The following PPP1R16B variants were observed in gnomAD, a reference collection of about 807,000 sequenced individuals.
The protein encoded by PPP1R16B is protein phosphatase 1 regulatory inhibitor subunit 16B.
In PPP1R16B, 14 loss-of-function variants were observed where a neutral mutation model predicts 61.7. The ratio of observed to expected loss-of-function variants is 0.23; its 90% CI spans 0.15 to 0.35. PPP1R16B has a LOEUF of 0.35. Ranked by LOEUF, PPP1R16B falls within the 10% of genes least tolerant of loss-of-function variation. The pLI is 1.00. For synonymous variants in PPP1R16B, 266 were observed against 305.3 expected, an observed-to-expected ratio of 0.87 and a Z score of 1.34; for missense variants, 547 against 752.5, an observed-to-expected ratio of 0.73 and a Z score of 3.19.
intron 2 of PPP1R16B, among the ~76,000 whole-genome samples, chr20:38,878,787 T>C (rs1204503106): frequency 6.6e-6 from 1 of 152,218 alleles, no homozygotes; most frequent in Non-Finnish European, 1.5e-5. Flanking sequence ...TTTATATGCA[T>C]GTATCTCCTA....
At chr20:38,873,203 G>A (rs910271498) in intron 2 of PPP1R16B, 1 of 152,288 alleles carries the variant, frequency 6.6e-6, no homozygotes, top group Non-Finnish European at 1.5e-5. Context: ...CACTGTGGGT[G>A]GAAATAGAAA....
chr20:38,910,919 C>T (rs1364544614), intron 10 of PPP1R16B, among the ~76,000 whole-genome samples: 8 of 151,754 alleles, frequency 5.3e-5, no homozygotes, highest in Admixed American at 1.3e-4. Flanking sequence ...CACTTGAACC[C>T]GGGAGGTGGA....
intron 1 of PPP1R16B, among the ~76,000 whole-genome samples, chr20:38,809,985 G>GGAA (rs2084688245): frequency 1.2e-5 from 1 of 80,150 alleles, no homozygotes; most frequent in Non-Finnish European, 2.3e-5. Context: ...ACCTTGTTTC[G>GGAA]AAAAAAAAAA....
intron 2 of PPP1R16B, among the ~76,000 whole-genome samples, chr20:38,876,540 T>TAA (rs11412139): frequency 7.6e-4 from 113 of 149,334 alleles, no homozygotes; most frequent in Non-Finnish European, 8.0e-4. Context: ...TTTCAACCAT[T>TAA]AAAAAAAAAA....
At chr20:38,847,075 T>C (rs2084940166) in intron 2 of PPP1R16B, among the ~76,000 whole-genome samples, 1 of 152,204 alleles carries the variant, frequency 6.6e-6, no homozygotes, top group Admixed American at 6.5e-5. Context: ...GGTAGATTCC[T>C]AGATGTTCAT....
At chr20:38,914,292 C>T (rs1036275854) in intron 10 of PPP1R16B, among the ~76,000 whole-genome samples, 10 of 152,014 alleles carry the variant, frequency 6.6e-5, no homozygotes, top group Non-Finnish European at 1.0e-4. Context: ...TTTGGGTTGT[C>T]CTAGGAAAAG....
In PPP1R16B at chr20:38,918,291, T is replaced by C. The variant is rs192588185; in HGVS notation, c.1329T>C (p.Asp443=). The change falls in exon 11 of 11, where the codon GAT becomes GAC. Residue 443 remains aspartate, a synonymous_variant. Coordinates refer to ENST00000299824, the MANE Select transcript of PPP1R16B (RefSeq NM_015568.4). The surrounding 1 kb of genome is among the most constrained non-coding windows in gnomAD (Gnocchi z 5.3). ...ACCAGTATGCGCTGGCCAACGGGGA[T>C]GTCTGGAAGGTGCATGAGGTGCCTG... ...SAYQYALANG[D]VWKVHEVPDY... is the part of the protein sequence containing the mutation. 8 of 1,614,214 alleles carry C rather than the reference T, an allele frequency of 5.0e-6. No individual in the cohort carries two copies. Among genetic ancestry groups the C allele is most frequent in the Non-Finnish European group, 6.8e-6 (8 of 1,180,044 alleles).
intron 2 of PPP1R16B, among the ~76,000 whole-genome samples, chr20:38,842,434 C>G (rs1480805046): frequency 6.6e-6 from 1 of 152,174 alleles, no homozygotes; most frequent in African/African-American, 2.4e-5. Flanking sequence ...GTTTTTCTCT[C>G]AGAATGTGTA....
rs78225905 is a variant in PPP1R16B at position 38,842,975 on chromosome 20, G to A, written c.250+6800G>A. On this transcript the variant is annotated intron_variant, in intron 2 of 10. Transcript: ENST00000299824. ...TTTTGGTATTGTTGTGTCAGGCAGC[G>A]TCCTGGGAGGAAACAAATGGTGATT... is the stretch of plus-strand genomic sequence containing the variant. 2.1e-3 allele frequency among the ~76,000 whole-genome samples: 320 copies of A among 152,316 alleles called. 10 individuals are homozygous for A. In the East Asian group the frequency reaches 0.055, roughly 26 times the overall value.
At chr20:38,909,059 TGGC>T (rs1469133685) in intron 10 of PPP1R16B, among the ~76,000 whole-genome samples, 1 of 152,172 alleles carries the variant, frequency 6.6e-6, no homozygotes, top group African/African-American at 2.4e-5. Context: ...TGGAGTGCAG[TGGC>T]ATGATTATAG....
rs1356459910 is a variant in PPP1R16B, at chr20:38,918,723, G to T, written c.*57G>T. On this transcript the variant is annotated 3_prime_UTR_variant, in exon 11 of 11. Coordinates refer to ENST00000299824, the MANE Select transcript of PPP1R16B (RefSeq NM_015568.4). This position sits in a 1 kb window ranked among gnomAD's most constrained non-coding sequence, Gnocchi z 5.3. ...GGAGGGGCTCCTGGAATCCAGGCCA[G>T]CCCAACAGCCCTGGCTGGGGAGGTG... The T allele has an allele frequency of 4.1e-6, 6 of 1,470,580 alleles. No homozygotes were observed. The highest frequency in any genetic ancestry group is 4.5e-6 in the Non-Finnish European group (5 of 1,113,572). The allele number at this position is 1,470,580 out of a possible 1,614,324, so 91.1% of individuals were successfully genotyped here.
intron 1 of PPP1R16B, among the ~76,000 whole-genome samples, chr20:38,822,719 A>G (rs941798797): frequency 3.3e-5 from 5 of 152,142 alleles, no homozygotes; most frequent in Non-Finnish European, 5.9e-5. Context: ...TAGGATTTAA[A>G]TTAAAAATGG....
At chr20:38,857,702 AG>A (rs943196321) in intron 2 of PPP1R16B, among the ~76,000 whole-genome samples, 39 of 152,306 alleles carry the variant, frequency 2.6e-4, no homozygotes, top group African/African-American at 9.4e-4. Flanking sequence ...ATTTTTGGCA[AG>A]TATATTCCAG....
chr20:38,864,874 C>T (rs780262115), intron 2 of PPP1R16B, among the ~76,000 whole-genome samples: 14 of 152,214 alleles, frequency 9.2e-5, no homozygotes, highest in Non-Finnish European at 1.9e-4. Context: ...TGCCTGGCCC[C>T]TCCTGGAGCT....
chr20:38,904,192 T>C (rs1257593380), intron 6 of PPP1R16B, among the ~76,000 whole-genome samples: 1 of 152,248 alleles, frequency 6.6e-6, no homozygotes, highest in African/African-American at 2.4e-5. Flanking sequence ...TGACTATTTC[T>C]GTCTGAAGTC....
chr20:38,887,960 C>G (rs1056855678), intron 2 of PPP1R16B, among the ~76,000 whole-genome samples: 4 of 152,230 alleles, frequency 2.6e-5, no homozygotes, highest in African/African-American at 9.6e-5. Context: ...TGCTCCTGAG[C>G]CCTTGAGGAC....
chr20:38,839,640 G>T (rs1188616362), intron 2 of PPP1R16B, among the ~76,000 whole-genome samples: 1 of 151,258 alleles, frequency 6.6e-6, no homozygotes, highest in East Asian at 1.9e-4. Context: ...TTTTTAAAAA[G>T]TTTTTACATA....
Position 38,913,794 on chromosome 20 carries a change from C to T in PPP1R16B, c.1195-4363C>T, listed in dbSNP as rs556587965. Among the ~76,000 whole-genome samples the T allele has an allele frequency of 5.3e-5, 8 of 152,196 alleles. 1 individual carries two copies. The highest frequency in any genetic ancestry group is 1.2e-4 in the African/African-American group (5 of 41,524). On this transcript the variant is annotated intron_variant, in intron 10 of 10. Transcript: ENST00000299824. The stretch of plus-strand genomic sequence containing the variant: ...TCTGGTGGTCAGCCCATTTCCAGAA[C>T]GGTCTTCAGGAGAGTTTTTCTGCAT...
intron 5 of PPP1R16B, among the ~76,000 whole-genome samples, chr20:38,902,073 A>G (rs2085399037): frequency 6.6e-6 from 1 of 152,222 alleles, no homozygotes; most frequent in Non-Finnish European, 1.5e-5. Flanking sequence ...CTCTCCTTAA[A>G]TACTGTTTGT....
Sources: gnomAD v4.1 joint callset for allele counts (sites outside exome capture counted in the v4.1 genomes callset) on GRCh38, gnomAD v4.1.1 for gene constraint, Gnocchi (gnomAD v3.1) non-coding constraint, MANE v1.5 for transcripts, NCBI Gene and HGNC (gene_info 2026-07-23, HGNC 2026-07-21) for gene names.